Variants in MAGEC3 observed in about 807,000 individuals in gnomAD.
MAGEC3 encodes the protein MAGE family member C3.
Under a neutral mutation model 35.3 loss-of-function variants are expected in MAGEC3, and 34 were observed. The ratio of observed to expected loss-of-function variants is 0.96; its 90% CI spans 0.73 to 1.28. The LOEUF (loss-of-function observed/expected upper bound fraction) is 1.28, where lower values mean the gene tolerates loss of function less well. MAGEC3 is among the 50% of genes most tolerant of loss of function. The pLI is 0.00. For synonymous variants in MAGEC3, 202 were observed against 185.6 expected, an observed-to-expected ratio of 1.09 and a Z score of -0.72; for missense variants, 561 against 483.6, an observed-to-expected ratio of 1.16 and a Z score of -1.50.
At chrX:141,846,606 C>G (rs997107828) in intron 1 of MAGEC3, among the ~76,000 whole-genome samples, 18 of 110,884 alleles carry the variant, frequency 1.6e-4, no homozygotes, top group Non-Finnish European at 2.5e-4. Flanking sequence ...TTTCTCAAGT[C>G]CCCCCAAGAT....
At position 141,879,309 on chromosome X, in the gene MAGEC3, C is replaced by A; in HGVS notation, c.393C>A (p.Leu131=). The change falls in exon 3 of 8, where the codon CTC becomes CTA. Residue 131 remains leucine (L), a synonymous_variant. Transcript: ENST00000298296. ...KQREEPQDWP[L]NEKRTLWKDS... ...GGGAGGAACCCCAGGACTGGCCACT[C>A]AACGAGAAGAGAACTCTGTGGAAGG... The A allele has an allele frequency of 3.3e-6, 4 of 1,205,674 alleles. No individual in the cohort carries two copies. The highest frequency in any genetic ancestry group is 4.5e-6 in the Non-Finnish European group (4 of 892,501).
Position 141,879,323 on chromosome X carries a change from C to T in MAGEC3, c.407C>T (p.Thr136Ile). 3 of 1,204,914 alleles carry T rather than the reference C, an allele frequency of 2.5e-6. No individual in the cohort carries two copies. Among genetic ancestry groups the T allele is most frequent in the Non-Finnish European group, 3.4e-6 (3 of 892,038 alleles). ...PQDWPLNEKR[T>I]LWKDSDLPTW... ...GACTGGCCACTCAACGAGAAGAGAACTCTGTGGAAGGACAGTGACCTTCCA... is the reference window on the plus strand; with the variant it reads ...GACTGGCCACTCAACGAGAAGAGAATTCTGTGGAAGGACAGTGACCTTCCA... Residue 136 changes from threonine to isoleucine, a missense_variant, in exon 3 of 8, where the codon ACT becomes ATT. Thr to Ile is a moderately conservative substitution (Grantham distance 89). Coordinates refer to ENST00000298296, the MANE Select transcript of MAGEC3 (RefSeq NM_138702.1).
intron 2 of MAGEC3, among the ~76,000 whole-genome samples, chrX:141,875,858 G>A (rs1370083451): frequency 3.6e-5 from 4 of 111,449 alleles, no homozygotes; most frequent in African/African-American, 1.3e-4. Flanking sequence ...CACCTTGAGC[G>A]CTGAGGTTTG....
intron 2 of MAGEC3, among the ~76,000 whole-genome samples, chrX:141,867,824 T>C (rs2017859223): frequency 8.9e-6 from 1 of 112,288 alleles, no homozygotes; most frequent in South Asian, 3.7e-4. Flanking sequence ...AATATTTGGC[T>C]TAAAAGGAGA....
At chrX:141,838,848 G>A (rs1052308777) in intron 1 of MAGEC3, 5 of 751,319 alleles carry the variant, frequency 6.7e-6, no homozygotes, top group African/African-American at 2.3e-5. Context: ...GCAGCAGTTC[G>A]TGCTTCTCTT....
chrX:141,895,355 G>C lies in MAGEC3; in HGVS notation c.996G>C (p.Glu332Asp), dbSNP rs2018080517. 8.3e-7 allele frequency: 1 copy of C among 1,208,378 alleles called. No individual in the cohort carries two copies. Among genetic ancestry groups the C allele is most frequent in the African/African-American group, 1.8e-5 (1 of 56,618 alleles). The change falls in exon 5 of 8, where the codon GAG becomes GAC. Residue 332 changes from glutamate to aspartate, a missense_variant. Coordinates refer to ENST00000298296, the MANE Select transcript of MAGEC3 (RefSeq NM_138702.1). ...ESEGPEAFCE[E>D]SGLRSAEGSV... ...AAGGACCTGAAGCATTTTGCGAGGA[G>C]TCTGGACTCAGGTCAGCAGAGGGAA... is the stretch of plus-strand genomic sequence containing the variant.
intron 2 of MAGEC3, among the ~76,000 whole-genome samples, chrX:141,875,063 A>G (rs1406397278): frequency 9.0e-6 from 1 of 111,726 alleles, no homozygotes; most frequent in East Asian, 2.8e-4. Context: ...GGGTTTTCAA[A>G]AGGATGCTGA....
In MAGEC3 at chrX:141,853,899, T is replaced by C. The variant is rs145866185; in HGVS notation, c.124-11572T>C. ...TTTAGTTACAAGGCTAGTCCATGTT[T>C]GAACCATGAGGGTCCCAACTTATAT... On this transcript the variant is annotated intron_variant, in intron 1 of 7. Transcript: ENST00000298296. Among the ~76,000 whole-genome samples, 297 of 111,491 alleles carry C rather than the reference T, an allele frequency of 2.7e-3. 1 individual carries two copies. Among genetic ancestry groups the C allele is most frequent in the African/African-American group, 9.2e-3 (284 of 30,724 alleles).
intron 2 of MAGEC3, among the ~76,000 whole-genome samples, chrX:141,866,928 A>G (rs1394196623): frequency 2.7e-5 from 3 of 112,134 alleles, no homozygotes; most frequent in African/African-American, 9.7e-5. Flanking sequence ...AGACATTCAC[A>G]AAACAAGCAA....
intron 1 of MAGEC3, among the ~76,000 whole-genome samples, chrX:141,849,027 A>G (rs980763029): frequency 1.8e-5 from 2 of 111,533 alleles, no homozygotes; most frequent in African/African-American, 6.5e-5. Flanking sequence ...AAACTATACT[A>G]TAAGGCTACA....
At chrX:141,874,214 A>G (rs1241264795) in intron 2 of MAGEC3, among the ~76,000 whole-genome samples, 1 of 112,101 alleles carries the variant, frequency 8.9e-6, no homozygotes, top group Non-Finnish European at 1.9e-5. Context: ...GCTCACATAA[A>G]TTCAATCACA....
chrX:141,852,617 G>A (rs2017758025), intron 1 of MAGEC3, among the ~76,000 whole-genome samples: 1 of 110,546 alleles, frequency 9.0e-6, no homozygotes, highest in African/African-American at 3.3e-5. Context: ...TCTATTCCTA[G>A]TTTGTTGAGT....
intron 4 of MAGEC3, among the ~76,000 whole-genome samples, chrX:141,888,775 G>A (rs1462437279): frequency 8.9e-6 from 1 of 111,939 alleles, no homozygotes; most frequent in Non-Finnish European, 1.9e-5. Flanking sequence ...GACCACTACT[G>A]AGTGCCCAAC....
intron 4 of MAGEC3, among the ~76,000 whole-genome samples, chrX:141,889,226 A>C (rs1416867040): frequency 8.9e-6 from 1 of 111,816 alleles, no homozygotes; most frequent in African/African-American, 3.3e-5. Flanking sequence ...GGCTGGGACA[A>C]AGTTCTCCAG....
chrX:141,889,039 G>A (rs2018022464), intron 4 of MAGEC3, among the ~76,000 whole-genome samples: 1 of 111,931 alleles, frequency 8.9e-6, no homozygotes, highest in Non-Finnish European at 1.9e-5. Context: ...ACACAGTATT[G>A]CCTCTGGCCA....
chrX:141,886,160 G>T (rs1324563463), intron 4 of MAGEC3, among the ~76,000 whole-genome samples: 5 of 111,190 alleles, frequency 4.5e-5, no homozygotes, highest in Non-Finnish European at 9.4e-5. Context: ...TAGAGCTCTG[G>T]CATTGGCTGA....
At chrX:141,855,187 G>A (rs765235982) in intron 1 of MAGEC3, among the ~76,000 whole-genome samples, 75 of 110,684 alleles carry the variant, frequency 6.8e-4, no homozygotes, top group Admixed American at 3.6e-3. Flanking sequence ...GACACTAGCC[G>A]GACAAGGTTA....
intron 1 of MAGEC3, among the ~76,000 whole-genome samples, chrX:141,854,554 G>C (rs1181346000): frequency 9.0e-6 from 1 of 111,251 alleles, no homozygotes; most frequent in Non-Finnish European, 1.9e-5. Flanking sequence ...CTGATGGTTT[G>C]ATCAGGGGTT....
chrX:141,882,045 G>A (rs1422282018), intron 4 of MAGEC3, among the ~76,000 whole-genome samples: 1 of 111,662 alleles, frequency 9.0e-6, no homozygotes, highest in African/African-American at 3.3e-5. Flanking sequence ...GAAAGATGTG[G>A]AAGACAGAGC....
Sources: gnomAD v4.1 joint callset for allele counts (sites outside exome capture counted in the v4.1 genomes callset) on GRCh38, gnomAD v4.1.1 for gene constraint, MANE v1.5 for transcripts, NCBI Gene and HGNC (gene_info 2026-07-23, HGNC 2026-07-21) for gene names.